The following PPFIA2 variants were observed in gnomAD, a reference collection of about 807,000 sequenced individuals.
The protein encoded by PPFIA2 is PPFI scaffold protein A2, also known as liprin-alpha-2.
PPFIA2 carries 46 observed loss-of-function variants against 175.5 expected under a neutral mutation model. That is an observed-to-expected ratio of 0.26 (90% CI 0.21 to 0.34). PPFIA2 has a LOEUF of 0.34. Among genes scored for constraint, PPFIA2 ranks in the 10% least tolerant of loss-of-function variants. The pLI is 1.00. For missense variants in PPFIA2, 1,179 were observed against 1,506.1 expected (o/e 0.78, Z 3.60); for synonymous variants, 568 against 511.4 (o/e 1.11, Z -1.49).
chr12:81,307,291 T>C, intron 22 of PPFIA2, among the ~76,000 whole-genome samples: 1 of 152,070 alleles, frequency 6.6e-6, no homozygotes, highest in East Asian at 1.9e-4. Context: ...TAAGAGTTTG[T>C]TCTTCAACCG....
chr12:81,278,706 T>G (rs2041258395), intron 27 of PPFIA2, among the ~76,000 whole-genome samples: 1 of 152,104 alleles, frequency 6.6e-6, no homozygotes, highest in South Asian at 2.1e-4. Flanking sequence ...AAACCAGGCA[T>G]GTTCTGAGAG....
rs1258715470 is a variant in PPFIA2, at chr12:81,539,690, T to A, written c.304-81824A>T. On this transcript the variant is annotated intron_variant, in intron 4 of 32. Coordinates refer to ENST00000549396, the MANE Select transcript of PPFIA2 (RefSeq NM_003625.5). ...TAAAAATTATGAATTTTAATTAATC[T>A]CCTTAAATGTTAATACAGTGTCACT... Among the ~76,000 whole-genome samples, 3 of 151,900 alleles carry A rather than the reference T, an allele frequency of 2.0e-5. 1 individual carries two copies. In the East Asian group the frequency reaches 5.8e-4, roughly 29 times the overall value.
At chr12:81,423,373 G>A (rs2046626939) in intron 7 of PPFIA2, among the ~76,000 whole-genome samples, 1 of 152,000 alleles carries the variant, frequency 6.6e-6, no homozygotes, top group Admixed American at 6.6e-5. Flanking sequence ...CAAACCCAAT[G>A]CAACAGAACA....
chr12:81,649,516 A>T (rs1464048771), intron 4 of PPFIA2, among the ~76,000 whole-genome samples: 4 of 152,200 alleles, frequency 2.6e-5, no homozygotes, highest in Non-Finnish European at 5.9e-5. Context: ...TTTCTTACAA[A>T]GTTAAATATG....
chr12:81,374,849 C>G, intron 10 of PPFIA2, 81 bp from the exon 11 acceptor site: 1 of 1,329,616 alleles, frequency 7.5e-7, no homozygotes, highest in Non-Finnish European at 1.0e-6. Flanking sequence ...CTTTGCACTT[C>G]AGCCATGATT....
chr12:81,616,963 G>A (rs989964071), intron 4 of PPFIA2, among the ~76,000 whole-genome samples: 1 of 152,104 alleles, frequency 6.6e-6, no homozygotes, highest in Admixed American at 6.5e-5. Flanking sequence ...CAGTATAACA[G>A]TTTAAAGCAT....
intron 7 of PPFIA2, chr12:81,417,448 A>G (rs2045501752): frequency 6.6e-6 from 1 of 151,616 alleles, no homozygotes; most frequent in Non-Finnish European, 1.5e-5. Flanking sequence ...CAAAGAAGAG[A>G]GTTTTAGGGA....
chr12:81,316,451 G>A (rs2052373356), intron 22 of PPFIA2, among the ~76,000 whole-genome samples: 2 of 151,466 alleles, frequency 1.3e-5, no homozygotes, highest in Admixed American at 1.3e-4. Context: ...ACACTCTCTT[G>A]TAAGTTTTAC....
chr12:81,546,889 T>C (rs1341978754), intron 4 of PPFIA2, among the ~76,000 whole-genome samples: 1 of 152,110 alleles, frequency 6.6e-6, no homozygotes, highest in Admixed American at 6.6e-5. Context: ...CCAGAAAGTG[T>C]GAGGACCACT....
intron 4 of PPFIA2, among the ~76,000 whole-genome samples, chr12:81,599,098 G>T (rs1240397897): frequency 6.6e-6 from 1 of 151,824 alleles, no homozygotes; most frequent in Admixed American, 6.6e-5. Context: ...TTGTACAAAA[G>T]ATCATATTCA....
intron 4 of PPFIA2, among the ~76,000 whole-genome samples, chr12:81,477,065 G>A (rs969373423): frequency 1.3e-5 from 2 of 152,004 alleles, no homozygotes; most frequent in African/African-American, 4.8e-5. Flanking sequence ...GGGTGGTAGC[G>A]GGGGAAGGGA....
chr12:81,284,578 C>T (rs1012079249), intron 24 of PPFIA2, among the ~76,000 whole-genome samples: 1 of 152,124 alleles, frequency 6.6e-6, no homozygotes, highest in African/African-American at 2.4e-5. Context: ...AAAAGAGCAT[C>T]ATCAAAATTT....
intron 24 of PPFIA2, among the ~76,000 whole-genome samples, chr12:81,289,892 C>G (rs539208063): frequency 2.0e-5 from 3 of 151,712 alleles, no homozygotes; most frequent in Admixed American, 6.6e-5. Flanking sequence ...CTCTATCCTA[C>G]TAGGTAAGAG....
Position 81,284,255 on chromosome 12 carries a change from C to T in PPFIA2, c.2974G>A (p.Ala992Thr). ...TTAAGACTAACCGTTTTTGCTGGAG[C>T]TGCAAGATTTTCCATTTCTTCATGA... is the stretch of plus-strand genomic sequence containing the variant. ...VTHEEMENLAAPAKTKESEEG... is the reference protein window; with the variant it reads ...VTHEEMENLATPAKTKESEEG... Residue 992 changes from alanine (A) to threonine (T), a missense_variant, in exon 25 of 33, where the codon GCT becomes ACT. Physicochemically the swap from Ala to Thr is moderately conservative, Grantham distance 58 (BLOSUM62 0). Coordinates refer to ENST00000549396, the MANE Select transcript of PPFIA2 (RefSeq NM_003625.5). 1 of 1,594,174 alleles carries T rather than the reference C, an allele frequency of 6.3e-7. No individual in the cohort carries two copies.
intron 7 of PPFIA2, chr12:81,430,204 C>T (rs2047852869): frequency 6.6e-6 from 1 of 152,048 alleles, no homozygotes; most frequent in Non-Finnish European, 1.5e-5. Flanking sequence ...TCATTTGTGG[C>T]TTTGTTTTCA....
chr12:81,382,406 T>C (rs117777463), intron 9 of PPFIA2, among the ~76,000 whole-genome samples: 2,104 of 152,248 alleles, frequency 0.014, 22 homozygotes, highest in Non-Finnish European at 0.02. Flanking sequence ...AACTGACTTA[T>C]AGGCAGGCTG....
chr12:81,542,252 T>C (rs1351339636), intron 4 of PPFIA2, among the ~76,000 whole-genome samples: 2 of 151,992 alleles, frequency 1.3e-5, no homozygotes, highest in African/African-American at 4.8e-5. Flanking sequence ...TGAGTGCAGA[T>C]ACCATGGAAT....
chr12:81,383,462 T>C (rs1019661721), intron 9 of PPFIA2, among the ~76,000 whole-genome samples: 15 of 152,086 alleles, frequency 9.9e-5, no homozygotes, highest in Admixed American at 6.6e-5. Flanking sequence ...TAAAGTACTC[T>C]CTTCACTTGA....
intron 8 of PPFIA2, among the ~76,000 whole-genome samples, chr12:81,395,027 A>G (rs1041529016): frequency 1.3e-5 from 2 of 152,002 alleles, no homozygotes; most frequent in African/African-American, 4.8e-5. Flanking sequence ...ATAAATGAAA[A>G]CTGAAAAGGA....
Sources: gnomAD v4.1 joint callset for allele counts (sites outside exome capture counted in the v4.1 genomes callset) on GRCh38, gnomAD v4.1.1 for gene constraint, MANE v1.5 for transcripts, NCBI Gene and HGNC (gene_info 2026-07-23, HGNC 2026-07-21) for gene names.